Variants in ZNF592 observed in about 807,000 individuals in gnomAD.
The protein encoded by ZNF592 is zinc finger protein 592.
In ZNF592, 11 loss-of-function variants were observed where a neutral mutation model predicts 80.3. The observed-to-expected ratio is 0.14, with a 90% CI of 0.09 to 0.23. The LOEUF (loss-of-function observed/expected upper bound fraction) is 0.23. Among genes scored for constraint, ZNF592 ranks in the 10% least tolerant of loss-of-function variants. ZNF592 has a pLI of 1.00. For missense variants in ZNF592, 1,420 were observed against 1,633.9 expected, an observed-to-expected ratio of 0.87 and a Z score of 2.26; for synonymous variants, 646 against 640.3, an observed-to-expected ratio of 1.01 and a Z score of -0.13.
chr15:84,753,106 T>C (rs1341509277), intron 1 of ZNF592: 1 of 152,242 alleles, frequency 6.6e-6, no homozygotes, highest in East Asian at 1.9e-4. Flanking sequence ...TATTAATTGA[T>C]AGAATGAATA....
chr15:84,768,476 C>T (rs1899602103), intron 2 of ZNF592, among the ~76,000 whole-genome samples: 1 of 151,948 alleles, frequency 6.6e-6, no homozygotes, highest in Non-Finnish European at 1.5e-5. Context: ...GACCTCAAGT[C>T]ATCCACCTGT....
intron 10 of ZNF592, among the ~76,000 whole-genome samples, chr15:84,800,560 C>T (rs1963064087): frequency 6.6e-6 from 1 of 152,196 alleles, no homozygotes; most frequent in Non-Finnish European, 1.5e-5. Context: ...TCAGGTGTGT[C>T]TGGGAAGTCC....
rs1962220668 is a variant in ZNF592 at position 84,775,506 on chromosome 15, C to T, written c.-149-2677C>T. Among the ~76,000 whole-genome samples, 3 of 152,250 alleles carry T rather than the reference C, an allele frequency of 2.0e-5. No individual in the cohort carries two copies. In the South Asian group the frequency reaches 6.2e-4, roughly 32 times the overall value. ...GGAGTGCAGTGACGCGATCTCAGCT[C>T]ACTGCAACCTCCACCTCCCGAATTC... On this transcript the variant is annotated intron_variant, in intron 2 of 10. Transcript: ENST00000560079.
chr15:84,787,346 C>T (rs890899217), intron 4 of ZNF592, among the ~76,000 whole-genome samples: 1 of 152,218 alleles, frequency 6.6e-6, no homozygotes, highest in African/African-American at 2.4e-5. Context: ...CCAAATCCCT[C>T]ACAAAATCTC....
intron 3 of ZNF592, among the ~76,000 whole-genome samples, chr15:84,781,755 T>G (rs1239033770): frequency 6.6e-6 from 1 of 152,204 alleles, no homozygotes; most frequent in Non-Finnish European, 1.5e-5. Flanking sequence ...GCCAGCCAGT[T>G]TCATGTTTCA....
At position 84,787,729 on chromosome 15, in the gene ZNF592, T is replaced by C. The variant is rs146206108; in HGVS notation, c.2220+2834T>C. On this transcript the variant is annotated intron_variant, in intron 4 of 10. Coordinates refer to ENST00000560079, the MANE Select transcript of ZNF592 (RefSeq NM_014630.3). ...AACACAATTAATAACAGTCCCTTAG[T>C]ATTACCTACTACAAGTTCATATTCA... 7.2e-5 allele frequency among the ~76,000 whole-genome samples: 11 copies of C among 152,344 alleles called. No homozygotes were observed. The South Asian group carries it at 8.3e-4, about 11-fold the overall frequency.
chr15:84,798,305 G>T lies in ZNF592; in HGVS notation c.2577-10G>T. On this transcript the variant is annotated splice_polypyrimidine_tract_variant and intron_variant, in intron 6 of 10. Coordinates refer to ENST00000560079, the MANE Select transcript of ZNF592 (RefSeq NM_014630.3). This position sits in a 1 kb window ranked among gnomAD's most constrained non-coding sequence, Gnocchi z 4.5. ...TTGGCCACCTCACCCCCTAGGGCTT[G>T]TCTCATCAGGCTCATTTATAAGTGC... 9.9e-6 allele frequency: 16 copies of T among 1,614,156 alleles called. No individual in the cohort carries two copies. The highest frequency in any genetic ancestry group is 1.4e-5 in the Non-Finnish European group (16 of 1,180,038).
At chr15:84,769,321 A>G (rs1899630646) in intron 2 of ZNF592, among the ~76,000 whole-genome samples, 1 of 152,136 alleles carries the variant, frequency 6.6e-6, no homozygotes, top group South Asian at 2.1e-4. Context: ...ATGAACAATT[A>G]CATAATATAT....
chr15:84,796,280 TATATATATATATATAA>T (rs1220663173), intron 5 of ZNF592, among the ~76,000 whole-genome samples: 979 of 52,550 alleles, frequency 0.019, 82 homozygotes, highest in East Asian at 0.15. Context: ...TATATATATA[TATATATATATATATAA>T]AAAAACGAAG....
intron 1 of ZNF592, among the ~76,000 whole-genome samples, chr15:84,758,622 C>G (rs2141961857): frequency 6.6e-6 from 1 of 152,064 alleles, no homozygotes; most frequent in Middle Eastern, 3.4e-3. Flanking sequence ...TATTTAAAGT[C>G]TTGGGGAGGC....
intron 2 of ZNF592, among the ~76,000 whole-genome samples, chr15:84,771,593 A>G (rs1899703794): frequency 6.6e-6 from 1 of 152,180 alleles, no homozygotes; most frequent in Non-Finnish European, 1.5e-5. Context: ...TTTCACAGCA[A>G]ATTTTATGGC....
At chr15:84,792,051 G>A (rs895947956) in intron 5 of ZNF592, among the ~76,000 whole-genome samples, 6 of 152,084 alleles carry the variant, frequency 3.9e-5, no homozygotes, top group Admixed American at 6.5e-5. Flanking sequence ...AGATCATTCT[G>A]GGAAGCGAAC....
rs1432630650 is a variant in ZNF592, at chr15:84,777,694, C to CCT, written c.-149-489_-149-488insCT. 1.2e-3 allele frequency among the ~76,000 whole-genome samples: 122 copies of CCT among 98,420 alleles called. 13 individuals are homozygous for CCT. The highest frequency in any genetic ancestry group is 2.0e-3 in the African/African-American group (52 of 26,442). 64.6% of individuals were successfully genotyped at this position (98,420 alleles called of 152,430 possible). On this transcript the variant is annotated intron_variant, in intron 2 of 10. Transcript: ENST00000560079. ...GAAAATAATTTCGTCTGTTGAGATA[C>CCT]TTTTTTTTTTTTTTTTTTTTTTTGA... is the stretch of plus-strand genomic sequence containing the variant.
In ZNF592 at chr15:84,802,316, G is replaced by A. The variant is rs143836084; in HGVS notation, c.3727G>A (p.Asp1243Asn). The change falls in exon 11 of 11, where the codon GAT becomes AAT. Residue 1243 changes from aspartate to asparagine, a missense_variant. By Grantham distance (23) the Asp-to-Asn change is conservative (BLOSUM62 1). Coordinates refer to ENST00000560079, the MANE Select transcript of ZNF592 (RefSeq NM_014630.3). ...ATTGCTGGGCCCGGCCCCTGAGGAC[G>A]ATGGTGGCCACAATGATCACAGTCA... ...RRLLGPAPED[D>N]GGHNDHSQPQ... The A allele has an allele frequency of 5.0e-5, 81 of 1,613,790 alleles. No homozygotes were observed. The highest frequency in any genetic ancestry group is 3.3e-5 in the Admixed American group (2 of 59,998).
In ZNF592 at chr15:84,784,203, C is replaced by T. The variant is rs1215318241; in HGVS notation, c.1528C>T (p.Leu510Phe). ...AGCCGTGCACTTGGCCAACCTGAAC[C>T]TCGTCCCCCACAGTGTTGCTGCATC... ...PKAVHLANLNLVPHSVAASVT... is the reference protein window; with the variant it reads ...PKAVHLANLNFVPHSVAASVT... Residue 510 changes from leucine (L) to phenylalanine (F), a missense_variant, in exon 4 of 11, where the codon CTC becomes TTC. Leu to Phe is a conservative substitution (Grantham distance 22). Transcript: ENST00000560079. This position sits in a 1 kb window ranked among gnomAD's most constrained non-coding sequence, Gnocchi z 5.8. 1 of 1,614,222 alleles carries T rather than the reference C, an allele frequency of 6.2e-7. No homozygotes were observed. The highest frequency in any genetic ancestry group is 8.5e-7 in the Non-Finnish European group (1 of 1,180,042).
At chr15:84,778,806 T>A (rs10468135) in intron 3 of ZNF592, among the ~76,000 whole-genome samples, 2,743 of 152,268 alleles carry the variant, frequency 0.018, 44 homozygotes, top group African/African-American at 0.039. Context: ...CTGGGGTTGA[T>A]CTAAGGGTCC....
At chr15:84,765,638 A>G (rs1899493330) in intron 2 of ZNF592, among the ~76,000 whole-genome samples, 1 of 142,468 alleles carries the variant, frequency 7.0e-6, no homozygotes, top group South Asian at 2.2e-4. Flanking sequence ...TCCCGGGTTC[A>G]TGCCATTCTC....
intron 2 of ZNF592, among the ~76,000 whole-genome samples, chr15:84,773,250 C>T (rs1181902253): frequency 4.9e-5 from 7 of 143,602 alleles, no homozygotes; most frequent in African/African-American, 1.8e-4. Flanking sequence ...CTCGCTCTGT[C>T]GGCCAGGCTG....
rs538484581 is a variant in ZNF592, at chr15:84,784,328, T to C, written c.1653T>C (p.Ile551=). 6 of 1,614,212 alleles carry C rather than the reference T, an allele frequency of 3.7e-6. No homozygotes were observed. Among genetic ancestry groups the C allele is most frequent in the South Asian group, 3.3e-5 (3 of 91,090 alleles). The change falls in exon 4 of 11, where the codon ATT becomes ATC. Residue 551 remains isoleucine, a synonymous_variant. Transcript: ENST00000560079. The surrounding 1 kb of genome is among the most constrained non-coding windows in gnomAD (Gnocchi z 5.8). Reference sequence around the variant, plus strand: ...AGGTGAAAAAGGCTGCCCCACTGATTGTAGAGGTCTTCAACAAGGTCCTTC... The same window carrying C: ...AGGTGAAAAAGGCTGCCCCACTGATCGTAGAGGTCTTCAACAAGGTCCTTC... ...VHQVKKAAPL[I]VEVFNKVLHS...
Sources: gnomAD v4.1 joint callset for allele counts (sites outside exome capture counted in the v4.1 genomes callset) on GRCh38, gnomAD v4.1.1 for gene constraint, Gnocchi (gnomAD v3.1) non-coding constraint, MANE v1.5 for transcripts, NCBI Gene and HGNC (gene_info 2026-07-23, HGNC 2026-07-21) for gene names.